The following TAB3 variants were observed in gnomAD, a reference collection of about 807,000 sequenced individuals.
The protein encoded by TAB3 is TGF-beta activated kinase 1 (MAP3K7) binding protein 3.
A neutral mutation model predicts 48.1 loss-of-function variants in TAB3; 18 were observed. That is an observed-to-expected ratio of 0.37 (90% CI 0.26 to 0.55). TAB3 has a LOEUF of 0.55. Ranked by LOEUF, TAB3 falls within the 20% of genes least tolerant of loss-of-function variation. TAB3 has a pLI of 0.78. For missense variants in TAB3, 414 were observed against 549.8 expected, an observed-to-expected ratio of 0.75 and a Z score of 2.47; for synonymous variants, 185 against 190.2, an observed-to-expected ratio of 0.97 and a Z score of 0.22.
rs1937932898 is a variant in TAB3 at position 30,827,918 on chromosome X, G to C, written c.*3509C>G. The C allele has an allele frequency of 8.9e-6, 1 of 112,292 alleles. No homozygotes were observed. The highest frequency in any genetic ancestry group is 3.7e-4 in the South Asian group (1 of 2,699). 9.3% of individuals were successfully genotyped at this position (112,292 alleles called of 1,213,427 possible). On this transcript the variant is annotated 3_prime_UTR_variant, in exon 11 of 11. Coordinates refer to ENST00000288422, the MANE Select transcript of TAB3 (RefSeq NM_152787.5). ...CAAATACTGTTAATTCTTTCGAAAA[G>C]ATACAGTAGTGGTGCAACACAGACA... is the stretch of plus-strand genomic sequence containing the variant.
At chrX:30,853,555 T>C (rs1437123268) in intron 6 of TAB3, among the ~76,000 whole-genome samples, 2 of 112,957 alleles carry the variant, frequency 1.8e-5, no homozygotes. Context: ...CTTTTGACAA[T>C]TTCCATGTCA....
intron 2 of TAB3, among the ~76,000 whole-genome samples, chrX:30,870,828 CCT>C (rs950230989): frequency 2.7e-5 from 3 of 111,779 alleles, no homozygotes; most frequent in Non-Finnish European, 5.6e-5. Context: ...CAGGACAGCC[CCT>C]GACAACAGAA....
At chrX:30,845,047 A>C (rs889838234) in intron 8 of TAB3, 2 of 112,124 alleles carry the variant, frequency 1.8e-5, no homozygotes, top group African/African-American at 3.2e-5. Context: ...CTGGTCTCTA[A>C]CTCTTAGGCT....
chrX:30,831,430 G>A lies in TAB3; in HGVS notation c.2136C>T (p.Thr712=). 8.3e-7 allele frequency: 1 copy of A among 1,207,735 alleles called. No individual in the cohort carries two copies. The highest frequency in any genetic ancestry group is 1.1e-6 in the Non-Finnish European group (1 of 893,687). ...RCEQCEMPRY[T] ...CCTGGCGCAGACTTTTCTGAATTCA[G>A]GTGTACCGTGGCATCTCGCACTGCT... Residue 712 remains threonine, a synonymous_variant, in exon 11 of 11, where the codon ACC becomes ACT. Transcript: ENST00000288422.
chrX:30,880,499 G>A (rs916402800), intron 1 of TAB3, among the ~76,000 whole-genome samples: 4 of 111,725 alleles, frequency 3.6e-5, no homozygotes, highest in Non-Finnish European at 5.7e-5. Context: ...TCAATTTCAG[G>A]TATATGCTAG....
At chrX:30,845,955 A>G (rs768645389) in intron 8 of TAB3, 1 of 980,867 alleles carries the variant, frequency 1.0e-6, no homozygotes. Flanking sequence ...TACTAGTCAA[A>G]AGTATGCAGC....
At chrX:30,871,338 C>T (rs1939657068) in intron 2 of TAB3, among the ~76,000 whole-genome samples, 1 of 112,326 alleles carries the variant, frequency 8.9e-6, no homozygotes, top group Non-Finnish European at 1.9e-5. Context: ...GGGGGCAGAT[C>T]TTTCAATCTC....
chrX:30,886,856 G>A (rs1226777168), intron 1 of TAB3, among the ~76,000 whole-genome samples: 1 of 112,327 alleles, frequency 8.9e-6, no homozygotes, highest in Non-Finnish European at 1.9e-5. Flanking sequence ...GCAAAGACCA[G>A]TGGGAGATAA....
intron 10 of TAB3, among the ~76,000 whole-genome samples, chrX:30,833,472 C>T (rs1425366922): frequency 9.0e-6 from 1 of 111,218 alleles, no homozygotes; most frequent in Non-Finnish European, 1.9e-5. Flanking sequence ...TAAAACATCT[C>T]ACTGATAATT....
chrX:30,852,065 G>A (rs901995767), intron 7 of TAB3, among the ~76,000 whole-genome samples: 3 of 112,206 alleles, frequency 2.7e-5, no homozygotes, highest in Non-Finnish European at 3.8e-5. Context: ...TAAACTATAC[G>A]CACAAAACTG....
intron 4 of TAB3, among the ~76,000 whole-genome samples, chrX:30,866,891 AG>A (rs1939426772): frequency 9.3e-6 from 1 of 108,028 alleles, no homozygotes; most frequent in Non-Finnish European, 1.9e-5. Context: ...AAAAAAAAAA[AG>A]ATTACAGTGA....
rs1569221031 is a variant in TAB3 at position 30,868,316 on chromosome X, T to TTTTATATATATATAGCTTATATA, written c.-279-768_-279-767insTATATAAGCTATATATATATAAA. Among the ~76,000 whole-genome samples, 3 of 1,474 alleles carry TTTTATATATATATAGCTTATATA rather than the reference T, an allele frequency of 2.0e-3. 1 individual carries two copies. Among genetic ancestry groups the TTTTATATATATATAGCTTATATA allele is most frequent in the African/African-American group, 8.2e-3 (3 of 365 alleles). 1.3% of individuals were successfully genotyped at this position (1,474 alleles called of 115,157 possible). Reference sequence around the variant, plus strand: ...GTGAAAAGCTATATATATATATAGCTTATATATATATATATATAAGCTTTT... The same window carrying TTTTATATATATATAGCTTATATA: ...GTGAAAAGCTATATATATATATAGCTTTTATATATATATAGCTTATATATATATATATATATATATAAGCTTTT... On this transcript the variant is annotated intron_variant, in intron 2 of 10. Coordinates refer to ENST00000288422, the MANE Select transcript of TAB3 (RefSeq NM_152787.5).
chrX:30,864,672 G>A (rs1470379225), intron 4 of TAB3, among the ~76,000 whole-genome samples: 1 of 111,819 alleles, frequency 8.9e-6, no homozygotes, highest in African/African-American at 3.3e-5. Context: ...GGCCCAGAGT[G>A]TTTTACCTCT....
intron 9 of TAB3, 51 bp from the exon 10 acceptor site, chrX:30,834,203 C>T (rs777663669): frequency 4.2e-5 from 44 of 1,060,062 alleles, no homozygotes. Flanking sequence ...CTTTCAACTG[C>T]AAGAGTGAAC....
intron 5 of TAB3, among the ~76,000 whole-genome samples, chrX:30,857,236 C>T (rs1354307752): frequency 5.4e-5 from 6 of 111,000 alleles, no homozygotes; most frequent in South Asian, 3.8e-4. Flanking sequence ...CTTTGAGTGA[C>T]GGAAAGATGT....
Position 30,830,905 on chromosome X carries a change from T to C in TAB3, c.*522A>G, listed in dbSNP as rs1335475920. On this transcript the variant is annotated 3_prime_UTR_variant, in exon 11 of 11. Coordinates refer to ENST00000288422, the MANE Select transcript of TAB3 (RefSeq NM_152787.5). ...AAGCAGCAATTACAAATACCCTTAA[T>C]TAATTTGCCCCCCCCCCCCAAATAT... is the stretch of plus-strand genomic sequence containing the variant. 1 of 69,268 alleles carries C rather than the reference T, an allele frequency of 1.4e-5. No individual in the cohort carries two copies. The highest frequency in any genetic ancestry group is 2.8e-5 in the Non-Finnish European group (1 of 36,357). 5.7% of individuals were successfully genotyped at this position (69,268 alleles called of 1,213,427 possible).
Position 30,854,195 on chromosome X carries a change from T to C in TAB3, c.1470A>G (p.Pro490=). The change falls in exon 6 of 11, where the codon CCA becomes CCG. Residue 490 remains proline (P), a synonymous_variant. Transcript: ENST00000288422. ...GGCTTCCCTTTTCTCCCCCAGAGCC[T>C]GGTATCACTGAAATGGGCTGAATAG... is the stretch of plus-strand genomic sequence containing the variant. The part of the protein sequence containing the change: ...PEPIQPISVI[P]GSGGEKGSHK... 1 of 1,211,270 alleles carries C rather than the reference T, an allele frequency of 8.3e-7. No individual in the cohort carries two copies.
intron 1 of TAB3, among the ~76,000 whole-genome samples, chrX:30,877,777 AATTAT>A (rs1390925768): frequency 3.6e-5 from 4 of 112,224 alleles, no homozygotes; most frequent in Non-Finnish European, 5.6e-5. Flanking sequence ...AAATGTCAAT[AATTAT>A]ATTAAGTATA....
intron 1 of TAB3, among the ~76,000 whole-genome samples, chrX:30,873,369 C>CA (rs1173050578): frequency 9.2e-6 from 1 of 108,621 alleles, no homozygotes; most frequent in African/African-American, 3.4e-5. Context: ...ACTAAAAATA[C>CA]AAAAAATTAG....
Sources: allele counts gnomAD v4.1 joint callset (sites outside exome capture counted in the v4.1 genomes callset), GRCh38; gene constraint gnomAD v4.1.1; transcripts MANE v1.5; gene names NCBI Gene and HGNC (gene_info 2026-07-23, HGNC 2026-07-21).